The following ZMAT4 variants were observed in gnomAD, a reference collection of about 807,000 sequenced individuals.
ZMAT4 encodes the protein zinc finger matrin-type protein 4.
In ZMAT4, 17 loss-of-function variants were observed where a neutral mutation model predicts 28.7. The observed-to-expected ratio is 0.59, with a 90% CI of 0.41 to 0.89. ZMAT4 has a LOEUF of 0.89. Ranked by LOEUF, ZMAT4 falls within the 40% of genes least tolerant of loss-of-function variation. The pLI, the probability that ZMAT4 is intolerant of heterozygous loss-of-function variation, is 0.00. For synonymous variants in ZMAT4, 117 were observed against 109.2 expected (o/e 1.07, Z -0.44); for missense variants, 240 against 283.8 (o/e 0.85, Z 1.11).
At chr8:40,730,633 G>A (rs1054303199) in intron 3 of ZMAT4, among the ~76,000 whole-genome samples, 2 of 152,174 alleles carry the variant, frequency 1.3e-5, no homozygotes, top group African/African-American at 4.8e-5. Flanking sequence ...GTGTGTGTCT[G>A]AGTGGGATTG....
chr8:40,613,053 C>T (rs1018878977), intron 5 of ZMAT4, among the ~76,000 whole-genome samples: 73 of 151,500 alleles, frequency 4.8e-4, no homozygotes, highest in African/African-American at 1.1e-3. Context: ...CCTCGTGATC[C>T]GCCCACCTCA....
intron 6 of ZMAT4, among the ~76,000 whole-genome samples, chr8:40,538,098 C>T (rs371455156): frequency 9.3e-4 from 141 of 152,210 alleles, no homozygotes; most frequent in African/African-American, 3.2e-3. Flanking sequence ...GTCGGACTTG[C>T]CTCATTATAC....
At chr8:40,630,237 G>A (rs552274244) in intron 5 of ZMAT4, among the ~76,000 whole-genome samples, 3 of 152,276 alleles carry the variant, frequency 2.0e-5, no homozygotes, top group African/African-American at 4.8e-5. Flanking sequence ...GAAATCCACA[G>A]TACTTTTATT....
intron 2 of ZMAT4, among the ~76,000 whole-genome samples, chr8:40,824,016 T>C (rs1176927663): frequency 2.0e-5 from 3 of 152,202 alleles, no homozygotes; most frequent in Non-Finnish European, 2.9e-5. Flanking sequence ...TAGATCTCAT[T>C]TGGTCACCAC....
At chr8:40,549,911 G>C (rs1458413673) in intron 6 of ZMAT4, among the ~76,000 whole-genome samples, 1 of 151,832 alleles carries the variant, frequency 6.6e-6, no homozygotes, top group Non-Finnish European at 1.5e-5. Context: ...CTCCCTTTTT[G>C]TCTTCTTGTT....
In ZMAT4 at chr8:40,610,937, A is replaced by ATTT. The variant is rs56980207; in HGVS notation, c.578-29679_578-29677dup. Among the ~76,000 whole-genome samples, 836 of 146,522 alleles carry ATTT rather than the reference A, an allele frequency of 5.7e-3. 8 individuals are homozygous for ATTT. The highest frequency in any genetic ancestry group is 0.019 in the African/African-American group (779 of 40,416). ...TTAAAAACCAGATTTGCCCTTTTGC[A>ATTT]TTTTTTTTTTTTTGGTTTGTCTTAG... On this transcript the variant is annotated intron_variant, in intron 5 of 6. Transcript: ENST00000297737.
At chr8:40,719,423 A>C (rs956329039) in intron 3 of ZMAT4, among the ~76,000 whole-genome samples, 3 of 152,174 alleles carry the variant, frequency 2.0e-5, no homozygotes, top group African/African-American at 4.8e-5. Context: ...GTGTCACGCA[A>C]GATTCTGTCT....
At chr8:40,715,047 C>CATAAAAAAAAAAA in intron 3 of ZMAT4, among the ~76,000 whole-genome samples, 1 of 73,364 alleles carries the variant, frequency 1.4e-5, no homozygotes, top group Non-Finnish European at 2.4e-5. Flanking sequence ...GACTCTGTCT[C>CATAAAAAAAAAAA]AAAAAAAAAA....
chr8:40,584,460 T>C (rs1249937224), intron 5 of ZMAT4, among the ~76,000 whole-genome samples: 1 of 152,120 alleles, frequency 6.6e-6, no homozygotes, highest in Non-Finnish European at 1.5e-5. Flanking sequence ...TACTGCTCTA[T>C]CATGGATGTA....
rs145067966 is a variant in ZMAT4, at chr8:40,712,479, G to A, written c.193-15078C>T. ...TTCTGTTGTTTCCATTCTTTCTTTA[G>A]CACATGCTATCACATCAATAAATAA... On this transcript the variant is annotated intron_variant, in intron 3 of 6. Coordinates refer to ENST00000297737, the MANE Select transcript of ZMAT4 (RefSeq NM_024645.3). Among the ~76,000 whole-genome samples, 221 of 152,248 alleles carry A rather than the reference G, an allele frequency of 1.5e-3. 1 individual carries two copies. Among genetic ancestry groups the A allele is most frequent in the Middle Eastern group, 3.4e-3 (1 of 294 alleles).
At chr8:40,721,680 G>A (rs1811101615) in intron 3 of ZMAT4, among the ~76,000 whole-genome samples, 2 of 151,746 alleles carry the variant, frequency 1.3e-5, no homozygotes, top group South Asian at 4.2e-4. Context: ...TCTAACTGGT[G>A]TGAGATGGTA....
intron 5 of ZMAT4, among the ~76,000 whole-genome samples, chr8:40,621,566 C>G: frequency 6.6e-6 from 1 of 152,132 alleles, no homozygotes. Context: ...GAATTTCAAG[C>G]GCAAGGTTAG....
intron 5 of ZMAT4, 25 bp from the exon 6 acceptor site, chr8:40,581,286 T>A: frequency 6.3e-7 from 1 of 1,599,046 alleles, no homozygotes; most frequent in Admixed American, 1.7e-5. Flanking sequence ...CAGACCTGGT[T>A]AGCTGCATCC....
At chr8:40,825,547 C>G (rs1439750207) in intron 2 of ZMAT4, 28 bp downstream of exon 2, 2 of 1,544,886 alleles carry the variant, frequency 1.3e-6, no homozygotes, top group Admixed American at 3.9e-5. Flanking sequence ...CCTACATTTG[C>G]AAACAGAGTG....
At chr8:40,545,684 C>A (rs1164001512) in intron 6 of ZMAT4, among the ~76,000 whole-genome samples, 1 of 152,150 alleles carries the variant, frequency 6.6e-6, no homozygotes, top group Admixed American at 6.6e-5. Context: ...AAGGCCTCAA[C>A]AGACCCTTCT....
rs144288563 is a variant in ZMAT4 at position 40,850,026 on chromosome 8, C to T, written c.-4-24346G>A. On this transcript the variant is annotated intron_variant, in intron 1 of 6. Coordinates refer to ENST00000297737, the MANE Select transcript of ZMAT4 (RefSeq NM_024645.3). ...CATCTGATCTATGAGCAGGACATGT[C>T]GCTTCGACCTCTGCAGTCCATGCTG... Among the ~76,000 whole-genome samples the T allele has an allele frequency of 2.1e-3, 321 of 152,222 alleles. 4 individuals carry two copies. The highest frequency in any genetic ancestry group is 4.4e-3 in the Admixed American group (67 of 15,290).
intron 4 of ZMAT4, among the ~76,000 whole-genome samples, chr8:40,692,370 A>G (rs1034510238): frequency 1.3e-5 from 2 of 152,206 alleles, no homozygotes; most frequent in African/African-American, 4.8e-5. Context: ...ACTCATATCC[A>G]TTTTTACTGT....
chr8:40,884,241 T>G (rs1818379609), intron 1 of ZMAT4, among the ~76,000 whole-genome samples: 1 of 138,048 alleles, frequency 7.2e-6, no homozygotes, highest in Admixed American at 7.8e-5. Context: ...CCCTGAGAGC[T>G]GTCCAAGAGG....
chr8:40,596,262 C>T (rs939706408), intron 5 of ZMAT4, among the ~76,000 whole-genome samples: 5 of 152,154 alleles, frequency 3.3e-5, no homozygotes, highest in Non-Finnish European at 5.9e-5. Flanking sequence ...TACACTACTG[C>T]AGACTTTATA....
Sources: gnomAD v4.1 joint callset for allele counts (sites outside exome capture counted in the v4.1 genomes callset) on GRCh38, gnomAD v4.1.1 for gene constraint, MANE v1.5 for transcripts, NCBI Gene and HGNC (gene_info 2026-07-23, HGNC 2026-07-21) for gene names.